Variants in ENDOG observed in about 807,000 individuals in gnomAD.
The protein encoded by ENDOG is endonuclease G.
In ENDOG, 22 loss-of-function variants were observed where a neutral mutation model predicts 22.6. That is an observed-to-expected ratio of 0.97 (90% confidence interval 0.70 to 1.39). The LOEUF is 1.39. Ranked by LOEUF, ENDOG falls within the 40% of genes most tolerant of loss-of-function variation. The probability of loss-of-function intolerance (pLI) is 0.00; values close to 1 mark genes in which losing one functional copy is unlikely to be tolerated. For missense variants in ENDOG, 403 were observed against 431.3 expected (o/e 0.93, Z 0.58); for synonymous variants, 173 against 200.2 (o/e 0.86, Z 1.15).
intron 1 of ENDOG, 132 bp downstream of exon 1, chr9:128,819,317 G>C: frequency 1.5e-6 from 2 of 1,313,258 alleles, no homozygotes; most frequent in South Asian, 3.4e-5. Flanking sequence ...GTGACATCCC[G>C]TGGCGGGAGG....
At position 128,822,316 on chromosome 9, in the gene ENDOG, G is replaced by C. The variant is rs1589590875; in HGVS notation, c.612-12G>C. ...AGGCCCCCTGCCCACGTGTGCCTGG[G>C]TCTGCCCACAGGACAGAGGCTGATG... On this transcript the variant is annotated splice_polypyrimidine_tract_variant and intron_variant, in intron 2 of 2. Transcript: ENST00000372642. 1 of 1,610,558 alleles carries C rather than the reference G, an allele frequency of 6.2e-7. No individual in the cohort carries two copies. The highest frequency in any genetic ancestry group is 2.2e-5 in the East Asian group (1 of 44,802).
Position 128,819,190 on chromosome 9 carries a change from C to T in ENDOG, c.501+5C>T. 1 of 1,469,148 alleles carries T rather than the reference C, an allele frequency of 6.8e-7. No individual in the cohort carries two copies. Among genetic ancestry groups the T allele is most frequent in the East Asian group, 2.9e-5 (1 of 34,146 alleles). The allele number at this position is 1,469,148 out of a possible 1,614,324, so 91.0% of individuals were successfully genotyped here. ...CTGAGCAACGTCGCGCCCCAGGTAG[C>T]GCCCGCGCCCCGGGCCGGTCGCGGA... On this transcript the variant is annotated splice_donor_5th_base_variant and intron_variant, in intron 1 of 2. Coordinates refer to ENST00000372642, the MANE Select transcript of ENDOG (RefSeq NM_004435.2).
Position 128,818,751 on chromosome 9 carries a change from T to TGGC in ENDOG, c.79_81dup (p.Arg27dup), listed in dbSNP as rs955220372. ...GGGGCTGGGTGCGGTCGTCGAGGGC[T>TGGC]GGCGGCGGCGGCGGGAGGACGCGCG... On this transcript the variant is annotated inframe_insertion, in exon 1 of 3. Coordinates refer to ENST00000372642, the MANE Select transcript of ENDOG (RefSeq NM_004435.2). 64 of 1,166,482 alleles carry TGGC rather than the reference T, an allele frequency of 5.5e-5. No individual in the cohort carries two copies. The highest frequency in any genetic ancestry group is 8.4e-5 in the South Asian group (2 of 23,754). The allele number at this position is 1,166,482 out of a possible 1,614,324, so 72.3% of individuals were successfully genotyped here. A position where few individuals can be genotyped will look rare whatever the true frequency, so the allele number is the denominator to read the frequency against.
chr9:128,818,907 C>A lies in ENDOG; in HGVS notation c.223C>A (p.Leu75Ile). 6.8e-7 allele frequency: 1 copy of A among 1,476,178 alleles called. No homozygotes were observed. The highest frequency in any genetic ancestry group is 8.9e-7 in the Non-Finnish European group (1 of 1,121,994). The allele number at this position is 1,476,178 out of a possible 1,614,324, so 91.4% of individuals were successfully genotyped here. A position where few individuals can be genotyped will look rare whatever the true frequency, so the allele number is the denominator to read the frequency against. ...GTACGGGCTGCCGGGGCTGGCGCAG[C>A]TCAAGAGCCGCGAGTCGTACGTGCT... ...AKYGLPGLAQ[L>I]KSRESYVLCY... Residue 75 changes from leucine (L) to isoleucine (I), a missense_variant, in exon 1 of 3, where the codon CTC (leucine) becomes ATC (isoleucine). Coordinates refer to ENST00000372642, the MANE Select transcript of ENDOG (RefSeq NM_004435.2).
chr9:128,822,186 G>A lies in ENDOG; in HGVS notation c.612-142G>A, dbSNP rs180671988. On this transcript the variant is annotated intron_variant, in intron 2 of 2. Coordinates refer to ENST00000372642, the MANE Select transcript of ENDOG (RefSeq NM_004435.2). Reference sequence around the variant, plus strand: ...AGTTCCAGCCTCAAGGAGGAGCCAGGCAGGCTACAGAAGTCTCACAGTGAG... The same window carrying A: ...AGTTCCAGCCTCAAGGAGGAGCCAGACAGGCTACAGAAGTCTCACAGTGAG... 23 of 959,182 alleles carry A rather than the reference G, an allele frequency of 2.4e-5. No individual in the cohort carries two copies. The African/African-American group carries it at 3.5e-4, about 14-fold the overall frequency. 59.4% of individuals were successfully genotyped at this position (959,182 alleles called of 1,614,324 possible).
rs964070825 is a variant in ENDOG, at chr9:128,818,805, C to A, written c.121C>A (p.Pro41Thr). 9 of 1,258,782 alleles carry A rather than the reference C, an allele frequency of 7.1e-6. No homozygotes were observed. The highest frequency in any genetic ancestry group is 9.0e-6 in the Non-Finnish European group (9 of 1,002,538). 78.0% of individuals were successfully genotyped at this position (1,258,782 alleles called of 1,614,324 possible). A position where few individuals can be genotyped will look rare whatever the true frequency, so the allele number is the denominator to read the frequency against. The change falls in exon 1 of 3, where the codon CCC becomes ACC. Residue 41 changes from proline (P) to threonine (T), a missense_variant. By Grantham distance (38) the Pro-to-Thr change is conservative. Transcript: ENST00000372642. The stretch of plus-strand genomic sequence containing the variant: ...GGCGCCGGGACTGCTGGGCCGGCTG[C>A]CCGTGCTGCCCGTGGCGGCGGCAGC... ...RAAPGLLGRL[P>T]VLPVAAAAEL...
At position 128,821,193 on chromosome 9, in the gene ENDOG, T is replaced by TC. The variant is rs1225651839; in HGVS notation, c.611+351dup. ...TGCAGTGCACCAAGCTCTCCCACCT[T>TC]CCCCCCGCAGGTCTGCAGTGCACCA... is the stretch of plus-strand genomic sequence containing the variant. On this transcript the variant is annotated intron_variant, in intron 2 of 2. Transcript: ENST00000372642. 11 of 296,494 alleles carry TC rather than the reference T, an allele frequency of 3.7e-5. 1 individual carries two copies. The highest frequency in any genetic ancestry group is 3.4e-4 in the South Asian group (9 of 26,542). The allele number at this position is 296,494 out of a possible 1,614,324, so 18.4% of individuals were successfully genotyped here. A position where few individuals can be genotyped will look rare whatever the true frequency, so the allele number is the denominator to read the frequency against.
intron 1 of ENDOG, chr9:128,820,524 AC>A (rs1830089330): frequency 1.8e-6 from 1 of 557,738 alleles, no homozygotes; most frequent in African/African-American, 1.9e-5. Context: ...AAAGACTTTG[AC>A]ACCTGGGCTG....
chr9:128,821,130 C>G (rs1830105122), intron 2 of ENDOG: 1 of 491,708 alleles, frequency 2.0e-6, no homozygotes, highest in East Asian at 3.7e-5. Context: ...GCATGCCCAC[C>G]CAATCTTGTT....
In ENDOG at chr9:128,818,832, G is replaced by C. The variant is rs1830048538; in HGVS notation, c.148G>C (p.Glu50Gln). The C allele has an allele frequency of 1.5e-6, 2 of 1,327,782 alleles. No homozygotes were observed. Among genetic ancestry groups the C allele is most frequent in the South Asian group, 3.8e-5 (2 of 52,216 alleles). The allele number at this position is 1,327,782 out of a possible 1,614,324, so 82.3% of individuals were successfully genotyped here. A position where few individuals can be genotyped will look rare whatever the true frequency, so the allele number is the denominator to read the frequency against. ...LPVLPVAAAA[E>Q]LPPVPGGPRG... ...CGTGCTGCCCGTGGCGGCGGCAGCC[G>C]AGTTGCCCCCTGTGCCCGGGGGACC... The change falls in exon 1 of 3, where the codon GAG (glutamate) becomes CAG (glutamine). Residue 50 changes from glutamate (E) to glutamine (Q), a missense_variant. Transcript: ENST00000372642.
intron 2 of ENDOG, 60 bp downstream of exon 2, chr9:128,820,908 C>T (rs1328633069): frequency 6.9e-7 from 1 of 1,450,306 alleles, no homozygotes; most frequent in Non-Finnish European, 9.5e-7. Context: ...CCTACTGCCA[C>T]TCACAGGGCC....
At chr9:128,821,129 C>A in intron 2 of ENDOG, 1 of 492,516 alleles carries the variant, frequency 2.0e-6, no homozygotes, top group South Asian at 2.3e-5. Flanking sequence ...GGCATGCCCA[C>A]CCAATCTTGT....
chr9:128,822,021 C>G (rs1200473115), intron 2 of ENDOG: 2 of 397,596 alleles, frequency 5.0e-6, no homozygotes, highest in African/African-American at 4.1e-5. Context: ...GAGAGATGGA[C>G]AGTCGTTAAG....
At position 128,818,610 on chromosome 9, in the gene ENDOG, T is replaced by A. The variant is rs974349889; in HGVS notation, c.-75T>A. 1 of 1,075,964 alleles carries A rather than the reference T, an allele frequency of 9.3e-7. No individual in the cohort carries two copies. The highest frequency in any genetic ancestry group is 1.7e-5 in the African/African-American group (1 of 59,158). 66.7% of individuals were successfully genotyped at this position (1,075,964 alleles called of 1,614,324 possible). A position where few individuals can be genotyped will look rare whatever the true frequency, so the allele number is the denominator to read the frequency against. On this transcript the variant is annotated 5_prime_UTR_variant, in exon 1 of 3. Coordinates refer to ENST00000372642, the MANE Select transcript of ENDOG (RefSeq NM_004435.2). ...ATCGTCCGCGGCCCCAGCAGCCCTG[T>A]GCCCTCGTTGGATCCCGCGACGCGG...
At chr9:128,820,637 A>G (rs774939812) in intron 1 of ENDOG, 102 bp from the exon 2 acceptor site, 7 of 916,212 alleles carry the variant, frequency 7.6e-6, no homozygotes, top group African/African-American at 3.3e-5. Context: ...GTCTCACTGG[A>G]TATCTCTGAG....
At chr9:128,819,254 GTTC>G (rs1323412735) in intron 1 of ENDOG, 69 bp downstream of exon 1, 5 of 1,397,720 alleles carry the variant, frequency 3.6e-6, no homozygotes, top group Admixed American at 3.5e-5. Context: ...GCCTCGGTTT[GTTC>G]TTCTGCAGAA....
At position 128,819,310 on chromosome 9, in the gene ENDOG, AC is replaced by A. The variant is rs1589587260; in HGVS notation, c.501+126del. 13 of 1,329,928 alleles carry A rather than the reference AC, an allele frequency of 9.8e-6. No homozygotes were observed. The East Asian group carries it at 3.7e-4, about 38-fold the overall frequency. 82.4% of individuals were successfully genotyped at this position (1,329,928 alleles called of 1,614,324 possible). On this transcript the variant is annotated intron_variant, in intron 1 of 2. Transcript: ENST00000372642. ...GCGCCCCCGGTCAGGCATCGCAGTG[AC>A]ATCCCGTGGCGGGAGGGAGGAGCAC...
At chr9:128,821,072 GC>G in intron 2 of ENDOG, 19 of 568,832 alleles carry the variant, frequency 3.3e-5, no homozygotes, top group South Asian at 1.5e-4. Flanking sequence ...CCCATGGGCA[GC>G]AGCAGGCCCT....
In ENDOG at chr9:128,822,380, C is replaced by A; in HGVS notation, c.664C>A (p.His222Asn). 2 of 1,613,742 alleles carry A rather than the reference C, an allele frequency of 1.2e-6. No homozygotes were observed. The highest frequency in any genetic ancestry group is 2.7e-5 in the African/African-American group (2 of 75,060). ...AAAGTACCAGGTCATCGGCAAGAAC[C>A]ACGTGGCAGTGCCCACACACTTCTT... ...YVKYQVIGKN[H>N]VAVPTHFFKV... Residue 222 changes from histidine to asparagine, a missense_variant, in exon 3 of 3, where the codon CAC (histidine) becomes AAC (asparagine). Physicochemically the swap from His to Asn is moderately conservative, Grantham distance 68. Coordinates refer to ENST00000372642, the MANE Select transcript of ENDOG (RefSeq NM_004435.2).
Sources: allele counts gnomAD v4.1 joint callset, GRCh38; gene constraint gnomAD v4.1.1; transcripts MANE v1.5; gene names NCBI Gene and HGNC (gene_info 2026-07-23, HGNC 2026-07-21).